The following EMILIN3 variants were observed in gnomAD, a reference collection of about 807,000 sequenced individuals.
EMILIN3 encodes elastin microfibril interfacer 3, also known as EMILIN-3.
In EMILIN3, 38 loss-of-function variants were observed where a neutral mutation model predicts 42.8. The observed-to-expected ratio is 0.89, with a 90% CI of 0.69 to 1.16. The LOEUF is 1.16. Among genes scored for constraint, EMILIN3 ranks in the 50% most tolerant of loss-of-function variants. The probability of loss-of-function intolerance (pLI) is 0.00; values close to 1 mark genes in which losing one functional copy is unlikely to be tolerated. For synonymous variants in EMILIN3, 430 were observed against 440.5 expected, an observed-to-expected ratio of 0.98 and a Z score of 0.30; for missense variants, 924 against 999.5, an observed-to-expected ratio of 0.92 and a Z score of 1.02.
chr20:41,360,956 C>A lies in EMILIN3; in HGVS notation c.*312G>T. On this transcript the variant is annotated 3_prime_UTR_variant, in exon 4 of 4. Transcript: ENST00000332312. ...TGCCACAGCAGCTGCCCCTGCCAGC[C>A]ATGCTCAGGCCCTGCAGCTGGCTGT... 7.2e-6 allele frequency: 3 copies of A among 416,624 alleles called. No individual in the cohort carries two copies. In the South Asian group the frequency reaches 1.5e-4, roughly 21 times the overall value. The allele number at this position is 416,624 out of a possible 1,614,324, so 25.8% of individuals were successfully genotyped here. A position where few individuals can be genotyped will look rare whatever the true frequency, so the allele number is the denominator to read the frequency against.
chr20:41,364,329 G>T (rs1235738420), intron 2 of EMILIN3, among the ~76,000 whole-genome samples: 2 of 151,618 alleles, frequency 1.3e-5, no homozygotes, highest in African/African-American at 4.9e-5. Context: ...GCTCCCCTTA[G>T]TTCTTTCCAC....
chr20:41,365,381 A>G (rs1263594108), intron 1 of EMILIN3, among the ~76,000 whole-genome samples: 1 of 152,054 alleles, frequency 6.6e-6, no homozygotes, highest in African/African-American at 2.4e-5. Flanking sequence ...GCTAAGCACT[A>G]TTTGGAACCA....
At chr20:41,365,295 G>A in intron 1 of EMILIN3, 138 bp from the exon 2 acceptor site, 2 of 1,290,118 alleles carry the variant, frequency 1.6e-6, no homozygotes, top group Non-Finnish European at 2.1e-6. Context: ...GTGTCCCTGG[G>A]AGCCAACGCC....
chr20:41,361,398 A>G lies in EMILIN3; in HGVS notation c.2171T>C (p.Leu724Pro), dbSNP rs757334166. The G allele has an allele frequency of 1.7e-5, 27 of 1,612,644 alleles. No homozygotes were observed. In the East Asian group the frequency reaches 5.6e-4, roughly 33 times the overall value. ...PTEPLRPREG[L>P]WSHVDQLNRT... ...ATTCAGCTGGTCCACATGGCTCCAC[A>G]GGCCCTCTCTGGGCCTCAGTGGCTC... The change falls in exon 4 of 4, where the codon CTG becomes CCG. Residue 724 changes from leucine (L) to proline (P), a missense_variant. Transcript: ENST00000332312.
chr20:41,362,607 T>C lies in EMILIN3; in HGVS notation c.962A>G (p.Gln321Arg), dbSNP rs1012795872. ...LWGSLLDGFE[Q>R]KLQGVQSECD... is the part of the protein sequence containing the mutation. ...CTCACTCTGGACGCCTTGCAGCTTC[T>C]GCTCAAAGCCATCCAGCAGGCTCCC... Residue 321 changes from glutamine to arginine, a missense_variant, in exon 4 of 4, where the codon CAG becomes CGG. Physicochemically the swap from Gln to Arg is conservative, Grantham distance 43 (BLOSUM62 1). Coordinates refer to ENST00000332312, the MANE Select transcript of EMILIN3 (RefSeq NM_052846.2). The C allele has an allele frequency of 6.2e-7, 1 of 1,603,288 alleles. No individual in the cohort carries two copies. Among genetic ancestry groups the C allele is most frequent in the Non-Finnish European group, 8.5e-7 (1 of 1,179,598 alleles).
rs775567958 is a variant in EMILIN3 at position 41,362,948 on chromosome 20, G to A, written c.621C>T (p.His207=). ...CACCAGTCATCCTGTTGGGATCCTC[G>A]TGGCTAGCCACCAGGCCACTGAGGG... is the stretch of plus-strand genomic sequence containing the variant. The part of the protein sequence containing the change: ...YGTLSGLVAS[H]EDPNRMTGGP... The change falls in exon 4 of 4, where the codon CAC becomes CAT. Residue 207 remains histidine (H), a synonymous_variant. Coordinates refer to ENST00000332312, the MANE Select transcript of EMILIN3 (RefSeq NM_052846.2). The A allele has an allele frequency of 5.0e-6, 8 of 1,613,394 alleles. No homozygotes were observed. The highest frequency in any genetic ancestry group is 2.2e-5 in the South Asian group (2 of 91,080).
chr20:41,363,056 T>C lies in EMILIN3; in HGVS notation c.515-2A>G. The C allele has an allele frequency of 5.1e-6, 8 of 1,557,350 alleles. No homozygotes were observed. The highest frequency in any genetic ancestry group is 7.0e-6 in the Non-Finnish European group (8 of 1,146,636). On this transcript the variant is annotated splice_acceptor_variant, in intron 3 of 3. Transcript: ENST00000332312. LOFTEE classifies it high-confidence loss of function. ...CAAACAGCCCTGGGCCTTTCCTTCC[T>C]GGGAAAGAGAAGAGAGCCCCAGGGG...
chr20:41,366,379 G>C lies in EMILIN3; in HGVS notation c.167+89C>G. ...GCGGCCTCGGGGTGCCCGGGGCCTC[G>C]ACGCCCCCCGCGGGTGCGGGCAGGT... On this transcript the variant is annotated intron_variant, in intron 1 of 3. Coordinates refer to ENST00000332312, the MANE Select transcript of EMILIN3 (RefSeq NM_052846.2). The surrounding 1 kb of genome is among the most constrained non-coding windows in gnomAD (Gnocchi z 4.2). 4.0e-6 allele frequency: 4 copies of C among 1,006,176 alleles called. No homozygotes were observed. Among genetic ancestry groups the C allele is most frequent in the Non-Finnish European group, 4.8e-6 (4 of 827,164 alleles). The allele number at this position is 1,006,176 out of a possible 1,614,324, so 62.3% of individuals were successfully genotyped here. A position where few individuals can be genotyped will look rare whatever the true frequency, so the allele number is the denominator to read the frequency against.
intron 2 of EMILIN3, among the ~76,000 whole-genome samples, chr20:41,364,773 T>C (rs1248548256): frequency 1.3e-5 from 2 of 152,208 alleles, no homozygotes; most frequent in Non-Finnish European, 2.9e-5. Context: ...AACCTTCCCC[T>C]TGTCCCTCTG....
chr20:41,362,184 C>T lies in EMILIN3; in HGVS notation c.1385G>A (p.Gly462Glu), dbSNP rs1268724919. Reference protein sequence around the residue: ...CCLRLDMGGWGVGGFGTMLEE... With the variant: ...CCLRLDMGGWEVGGFGTMLEE... ...CAGCATGGTCCCAAAGCCGCCCACTCCCCACCCCCCCATGTCCAACCTCAG... is the reference window on the plus strand; with the variant it reads ...CAGCATGGTCCCAAAGCCGCCCACTTCCCACCCCCCCATGTCCAACCTCAG... The change falls in exon 4 of 4, where the codon GGA (glycine) becomes GAA (glutamate). Residue 462 changes from glycine to glutamate, a missense_variant. Coordinates refer to ENST00000332312, the MANE Select transcript of EMILIN3 (RefSeq NM_052846.2). The T allele has an allele frequency of 6.4e-7, 1 of 1,558,186 alleles. No individual in the cohort carries two copies. Among genetic ancestry groups the T allele is most frequent in the Non-Finnish European group, 8.8e-7 (1 of 1,130,240 alleles).
chr20:41,363,993 G>T, intron 2 of EMILIN3, 132 bp from the exon 3 acceptor site: 1 of 794,826 alleles, frequency 1.3e-6, no homozygotes, highest in Non-Finnish European at 2.0e-6. Context: ...GCACCCCCAG[G>T]GCTGTACTTT....
rs371368537 is a variant in EMILIN3 at position 41,361,473 on chromosome 20, G to C, written c.2096C>G (p.Ala699Gly). The C allele has an allele frequency of 6.2e-7, 1 of 1,607,426 alleles. No individual in the cohort carries two copies. Among genetic ancestry groups the C allele is most frequent in the South Asian group, 1.1e-5 (1 of 90,574 alleles). The change falls in exon 4 of 4, where the codon GCG (alanine) becomes GGG (glycine). Residue 699 changes from alanine to glycine, a missense_variant. Coordinates refer to ENST00000332312, the MANE Select transcript of EMILIN3 (RefSeq NM_052846.2). ...GGCCAGCAGGCCCAGCCTCCTGCAC[G>C]CACCCTCCACTTGTGCCACCCGCTG... ...FDQRVAQVEG[A>G]CRRLGLLAAG...
rs199798808 is a variant in EMILIN3, at chr20:41,362,494, C to T, written c.1075G>A (p.Glu359Lys). The change falls in exon 4 of 4, where the codon GAG (glutamate) becomes AAG (lysine). Residue 359 changes from glutamate to lysine, a missense_variant. Glu to Lys is a moderately conservative substitution (Grantham distance 56, BLOSUM62 1). Transcript: ENST00000332312. Reference sequence around the variant, plus strand: ...GACAGCTCCTGGCGCAGGGCCAGCTCCCGGCCATCAAGGCTCTGGTGCAGC... The same window carrying T: ...GACAGCTCCTGGCGCAGGGCCAGCTTCCGGCCATCAAGGCTCTGGTGCAGC... ...RRLHQSLDGR[E>K]LALRQELSQL... is the part of the protein sequence containing the mutation. 1.9e-6 allele frequency: 3 copies of T among 1,599,422 alleles called. No individual in the cohort carries two copies. Among genetic ancestry groups the T allele is most frequent in the Non-Finnish European group, 2.5e-6 (3 of 1,179,420 alleles).
In EMILIN3 at chr20:41,361,560, C is replaced by T. The variant is rs942041693; in HGVS notation, c.2009G>A (p.Ser670Asn). ...QLKAGVAKVASGLSRCQDTAQ... is the reference protein window; with the variant it reads ...QLKAGVAKVANGLSRCQDTAQ... ...TGTGTCCTGGCAGCGGCTCAGCCCA[C>T]TGGCCACCTTGGCCACACCAGCCTT... The change falls in exon 4 of 4, where the codon AGT becomes AAT. Residue 670 changes from serine to asparagine, a missense_variant. Coordinates refer to ENST00000332312, the MANE Select transcript of EMILIN3 (RefSeq NM_052846.2). The T allele has an allele frequency of 3.7e-6, 6 of 1,611,628 alleles. No individual in the cohort carries two copies. Among genetic ancestry groups the T allele is most frequent in the Non-Finnish European group, 5.1e-6 (6 of 1,179,826 alleles).
Position 41,360,977 on chromosome 20 carries a change from G to A in EMILIN3, c.*291C>T. The A allele has an allele frequency of 2.3e-6, 1 of 439,428 alleles. No homozygotes were observed. Among genetic ancestry groups the A allele is most frequent in the Non-Finnish European group, 4.1e-6 (1 of 246,114 alleles). The allele number at this position is 439,428 out of a possible 1,614,324, so 27.2% of individuals were successfully genotyped here. ...CAGCCATGCTCAGGCCCTGCAGCTG[G>A]CTGTCCAGACACTGATTTGCTGACA... On this transcript the variant is annotated 3_prime_UTR_variant, in exon 4 of 4. Transcript: ENST00000332312.
Position 41,366,248 on chromosome 20 carries a change from G to A in EMILIN3, c.167+220C>T, listed in dbSNP as rs556310312. 9.9e-5 allele frequency among the ~76,000 whole-genome samples: 15 copies of A among 152,188 alleles called. No individual in the cohort carries two copies. Among genetic ancestry groups the A allele is most frequent in the Admixed American group, 6.5e-4 (10 of 15,304 alleles). On this transcript the variant is annotated intron_variant, in intron 1 of 3. Coordinates refer to ENST00000332312, the MANE Select transcript of EMILIN3 (RefSeq NM_052846.2). The surrounding 1 kb of genome is among the most constrained non-coding windows in gnomAD (Gnocchi z 4.2). ...CACTGCCAGGATCCCAAGCCGCCGC[G>A]CCAGGCCCCCTCGGTTCCTTTTTCC... is the stretch of plus-strand genomic sequence containing the variant.
rs1398353941 is a variant in EMILIN3 at position 41,362,017 on chromosome 20, C to T, written c.1552G>A (p.Glu518Lys). 5.0e-6 allele frequency: 8 copies of T among 1,611,622 alleles called. No homozygotes were observed. The highest frequency in any genetic ancestry group is 5.9e-6 in the Non-Finnish European group (7 of 1,178,066). ...GTGGTGCTCGGGGTGCACGAAGTCTCCAGTGAGACCAACCGTTGCTCTAGC... is the reference window on the plus strand; with the variant it reads ...GTGGTGCTCGGGGTGCACGAAGTCTTCAGTGAGACCAACCGTTGCTCTAGC... ...AVLEQRLVSLETSCTPSTTSA... is the reference protein window; with the variant it reads ...AVLEQRLVSLKTSCTPSTTSA... Residue 518 changes from glutamate (E) to lysine (K), a missense_variant, in exon 4 of 4, where the codon GAG (glutamate) becomes AAG (lysine). Transcript: ENST00000332312.
rs1569019334 is a variant in EMILIN3 at position 41,362,363 on chromosome 20, C to CAG, written c.1204_1205dup (p.Gln403CysfsTer53). On this transcript the variant is annotated frameshift_variant, in exon 4 of 4. Transcript: ENST00000332312. LOFTEE classifies it high-confidence loss of function. ...CCCTTTGGGTCTCGGTGACTGCCTG[C>CAG]AGGGCCCTCTCAAGGCCATCCATAC... is the stretch of plus-strand genomic sequence containing the variant. 3 of 1,607,624 alleles carry CAG rather than the reference C, an allele frequency of 1.9e-6. No homozygotes were observed. The highest frequency in any genetic ancestry group is 2.5e-6 in the Non-Finnish European group (3 of 1,179,970).
At position 41,366,480 on chromosome 20, in the gene EMILIN3, G is replaced by T; in HGVS notation, c.155C>A (p.Pro52Gln). Residue 52 changes from proline to glutamine, a missense_variant, in exon 1 of 4, where the codon CCG (proline) becomes CAG (glutamine). By Grantham distance (76) the Pro-to-Gln change is moderately conservative. Coordinates refer to ENST00000332312, the MANE Select transcript of EMILIN3 (RefSeq NM_052846.2). The surrounding 1 kb of genome is among the most constrained non-coding windows in gnomAD (Gnocchi z 4.2). ...CGCCCGCGCTTACTTGTGCGGCCCC[G>T]GGCGCAGCCGCGGGCGCCATCCCGT... Reference protein sequence around the residue: ...YTTGWRPRLRPGPHKALCAYV... With the variant: ...YTTGWRPRLRQGPHKALCAYV... 1 of 1,142,918 alleles carries T rather than the reference G, an allele frequency of 8.7e-7. No homozygotes were observed. Among genetic ancestry groups the T allele is most frequent in the South Asian group, 4.0e-5 (1 of 25,170 alleles). 70.8% of individuals were successfully genotyped at this position (1,142,918 alleles called of 1,614,324 possible).
Sources: gnomAD v4.1 joint callset for allele counts (sites outside exome capture counted in the v4.1 genomes callset) on GRCh38, gnomAD v4.1.1 for gene constraint, Gnocchi (gnomAD v3.1) non-coding constraint, MANE v1.5 for transcripts, NCBI Gene and HGNC (gene_info 2026-07-23, HGNC 2026-07-21) for gene names.